The following CLEC16A variants were observed in gnomAD, a reference collection of about 807,000 sequenced individuals.
CLEC16A encodes C-type lectin domain containing 16A.
A neutral mutation model predicts 109.5 loss-of-function variants in CLEC16A; 51 were observed. The ratio of observed to expected loss-of-function variants is 0.47; its 90% CI spans 0.37 to 0.59. The LOEUF (loss-of-function observed/expected upper bound fraction) is 0.59. Ranked by LOEUF, CLEC16A falls within the 20% of genes least tolerant of loss-of-function variation. The pLI, the probability that CLEC16A is intolerant of heterozygous loss-of-function variation, is 0.00. For synonymous variants in CLEC16A, 673 were observed against 564.2 expected (o/e 1.19, Z -2.73); for missense variants, 1,339 against 1,394.0 (o/e 0.96, Z 0.63).
Position 11,178,381 on chromosome 16 carries a change from G to C in CLEC16A, c.2853G>C (p.Gln951His), listed in dbSNP as rs769560461. 6.2e-7 allele frequency: 1 copy of C among 1,613,812 alleles called. No individual in the cohort carries two copies. The highest frequency in any genetic ancestry group is 1.1e-5 in the South Asian group (1 of 91,068). The change falls in exon 24 of 24, where the codon CAG becomes CAC. Residue 951 changes from glutamine (Q) to histidine (H), a missense_variant. Transcript: ENST00000409790. The surrounding 1 kb of genome is among the most constrained non-coding windows in gnomAD (Gnocchi z 6.5). ...PELPKPHLPD[Q>H]LVIVNETEAD... ...TGCCTAAGCCTCACCTTCCTGACCA[G>C]TTGGTAATCGTCAACGAAACGGAAG... is the stretch of plus-strand genomic sequence containing the variant.
chr16:11,089,057 G>A (rs1167121705), intron 19 of CLEC16A, among the ~76,000 whole-genome samples: 1 of 152,100 alleles, frequency 6.6e-6, no homozygotes, highest in African/African-American at 2.4e-5. Context: ...GAGGGGGAGG[G>A]TGTCCTTCTG....
intron 2 of CLEC16A, 136 bp downstream of exon 2, chr16:10,958,046 G>T: frequency 4.3e-6 from 3 of 702,952 alleles, no homozygotes; most frequent in South Asian, 3.4e-5. Flanking sequence ...TCTCTGTCTA[G>T]CTGTAAAAAA....
At chr16:10,950,664 G>C (rs2041681562) in intron 1 of CLEC16A, among the ~76,000 whole-genome samples, 1 of 152,198 alleles carries the variant, frequency 6.6e-6, no homozygotes, top group African/African-American at 2.4e-5. Context: ...GCTGAACACT[G>C]ACCAGATGGT....
In CLEC16A at chr16:11,166,434, G is replaced by A. The variant is rs1291985398; in HGVS notation, c.2688G>A (p.Leu896=). 1.9e-6 allele frequency: 3 copies of A among 1,606,870 alleles called. No individual in the cohort carries two copies. The highest frequency in any genetic ancestry group is 1.6e-4 in the Middle Eastern group (1 of 6,062). Residue 896 remains leucine (L), a synonymous_variant, in exon 23 of 24, where the codon CTG becomes CTA. Transcript: ENST00000409790. ...QCINQHSSPS[L]SSQSPPSASG... is the part of the protein sequence containing the mutation. Reference sequence around the variant, plus strand: ...TAAACCAGCACAGCTCCCCGTCCCTGTCCTCACAGTCGCCACCCTCCGCCA... The same window carrying A: ...TAAACCAGCACAGCTCCCCGTCCCTATCCTCACAGTCGCCACCCTCCGCCA...
At chr16:11,148,252 G>T (rs2054149551) in intron 22 of CLEC16A, among the ~76,000 whole-genome samples, 1 of 152,164 alleles carries the variant, frequency 6.6e-6, no homozygotes, top group Non-Finnish European at 1.5e-5. Flanking sequence ...CTGCTAGATG[G>T]TATGCCGGCA....
intron 6 of CLEC16A, 43 bp downstream of exon 6, chr16:10,972,602 T>A: frequency 6.4e-7 from 1 of 1,554,980 alleles, no homozygotes. Flanking sequence ...TAATCTACCC[T>A]TATATGTAAA....
intron 3 of CLEC16A, 25 bp downstream of exon 3, chr16:10,962,613 C>T (rs760889191): frequency 7.4e-6 from 12 of 1,611,928 alleles, no homozygotes; most frequent in Non-Finnish European, 1.0e-5. Flanking sequence ...TGGTATTTGC[C>T]TCTGTGCTGC....
In CLEC16A at chr16:11,178,409, G is replaced by T. The variant is rs2068844975; in HGVS notation, c.2881G>T (p.Asp961Tyr). ...GGTAATCGTCAACGAAACGGAAGCA[G>T]ACTCTAAGCCCAGCAAGAACGTGGC... ...QLVIVNETEADSKPSKNVARS... is the reference protein window; with the variant it reads ...QLVIVNETEAYSKPSKNVARS... Residue 961 changes from aspartate (D) to tyrosine (Y), a missense_variant, in exon 24 of 24, where the codon GAC becomes TAC. Coordinates refer to ENST00000409790, the MANE Select transcript of CLEC16A (RefSeq NM_015226.3). This position sits in a 1 kb window ranked among gnomAD's most constrained non-coding sequence, Gnocchi z 6.5. 1 of 1,613,732 alleles carries T rather than the reference G, an allele frequency of 6.2e-7. No individual in the cohort carries two copies. Among genetic ancestry groups the T allele is most frequent in the African/African-American group, 1.3e-5 (1 of 74,930 alleles).
At chr16:11,113,675 A>T (rs570158471) in intron 19 of CLEC16A, among the ~76,000 whole-genome samples, 23 of 152,268 alleles carry the variant, frequency 1.5e-4, no homozygotes, top group African/African-American at 5.3e-4. Flanking sequence ...AAAAAACAGA[A>T]AGAAAAAGAA....
At chr16:11,061,838 C>G (rs1405897622) in intron 19 of CLEC16A, among the ~76,000 whole-genome samples, 1 of 152,164 alleles carries the variant, frequency 6.6e-6, no homozygotes, top group African/African-American at 2.4e-5. Context: ...TCCGGGTGCT[C>G]AGACACTGTC....
chr16:11,012,867 G>A lies in CLEC16A; in HGVS notation c.1304-7326G>A, dbSNP rs955016979. 2.6e-5 allele frequency among the ~76,000 whole-genome samples: 4 copies of A among 152,056 alleles called. No individual in the cohort carries two copies. In the East Asian group the frequency reaches 7.7e-4, roughly 29 times the overall value. On this transcript the variant is annotated intron_variant, in intron 11 of 23. Coordinates refer to ENST00000409790, the MANE Select transcript of CLEC16A (RefSeq NM_015226.3). ...TGTATTATCGTCTACTTTATGAATTGTTATTTGACAATCATTTGTATTCAT... is the reference window on the plus strand; with the variant it reads ...TGTATTATCGTCTACTTTATGAATTATTATTTGACAATCATTTGTATTCAT...
chr16:11,176,630 C>T (rs1269539685), intron 23 of CLEC16A, among the ~76,000 whole-genome samples: 1 of 152,098 alleles, frequency 6.6e-6, no homozygotes, highest in African/African-American at 2.4e-5. Flanking sequence ...CCCAGCTACT[C>T]AGGAGGCCGA....
rs1473866082 is a variant in CLEC16A at position 10,954,064 on chromosome 16, C to T, written c.81-3718C>T. 1.3e-5 allele frequency among the ~76,000 whole-genome samples: 2 copies of T among 152,164 alleles called. No homozygotes were observed. Among genetic ancestry groups the T allele is most frequent in the African/African-American group, 4.8e-5 (2 of 41,428 alleles). On this transcript the variant is annotated intron_variant, in intron 1 of 23. Transcript: ENST00000409790. This position sits in a 1 kb window ranked among gnomAD's most constrained non-coding sequence, Gnocchi z 4.2. Reference sequence around the variant, plus strand: ...TCCATAAACATATATGAACAGGCACCCGGTTTCACTACTGGAAGAAAGCCC... The same window carrying T: ...TCCATAAACATATATGAACAGGCACTCGGTTTCACTACTGGAAGAAAGCCC...
intron 11 of CLEC16A, among the ~76,000 whole-genome samples, chr16:11,014,367 T>A (rs1364258407): frequency 6.6e-6 from 1 of 152,200 alleles, no homozygotes; most frequent in East Asian, 1.9e-4. Context: ...TTAGGTAGTT[T>A]CCAGTATTTT....
chr16:11,075,420 GTGTGTGTA>G (rs1443304295), intron 19 of CLEC16A, among the ~76,000 whole-genome samples: 12 of 146,920 alleles, frequency 8.2e-5, no homozygotes, highest in Admixed American at 1.4e-4. Context: ...GTCTGTGTGT[GTGTGTGTA>G]TGTGTGTGTG....
chr16:11,149,660 C>T (rs926159078), intron 22 of CLEC16A, among the ~76,000 whole-genome samples: 5 of 151,932 alleles, frequency 3.3e-5, no homozygotes, highest in Admixed American at 2.6e-4. Context: ...ATGATGGTGC[C>T]CACCGGTAAT....
chr16:11,049,450 C>A (rs555457451), intron 17 of CLEC16A, among the ~76,000 whole-genome samples: 3 of 151,988 alleles, frequency 2.0e-5, no homozygotes, highest in East Asian at 1.9e-4. Flanking sequence ...CTTCCTCCCC[C>A]TCCCACCATG....
intron 16 of CLEC16A, among the ~76,000 whole-genome samples, chr16:11,046,705 C>A (rs1394090145): frequency 1.3e-5 from 2 of 152,152 alleles, no homozygotes; most frequent in African/African-American, 4.8e-5. Flanking sequence ...AGGTGTAAAG[C>A]TGGATTTGGT....
intron 18 of CLEC16A, 88 bp downstream of exon 18, chr16:11,051,729 G>C: frequency 1.3e-6 from 2 of 1,532,714 alleles, no homozygotes; most frequent in East Asian, 4.5e-5. Flanking sequence ...CTTTGTCAAA[G>C]TCAAGAGCCT....
Sources: allele counts gnomAD v4.1 joint callset (sites outside exome capture counted in the v4.1 genomes callset), GRCh38; gene constraint gnomAD v4.1.1; non-coding constraint Gnocchi (gnomAD v3.1); transcripts MANE v1.5; gene names NCBI Gene and HGNC (gene_info 2026-07-23, HGNC 2026-07-21).